TAF11: variants seen among roughly 807,000 people sequenced by gnomAD.
TAF11 encodes the protein TATA-box binding protein associated factor 11.
Under a neutral mutation model 23.0 loss-of-function variants are expected in TAF11, and 10 were observed. The observed-to-expected ratio is 0.43, with a 90% confidence interval of 0.27 to 0.74. The LOEUF (loss-of-function observed/expected upper bound fraction) is 0.74, where lower values mean the gene tolerates loss of function less well. TAF11 is among the 30% of genes least tolerant of loss of function. The pLI, the probability that TAF11 is intolerant of heterozygous loss-of-function variation, is 0.19. For missense variants in TAF11, 196 were observed against 261.7 expected (o/e 0.75, Z 1.73); for synonymous variants, 85 against 95.8 (o/e 0.89, Z 0.66).
At chr6:34,883,657 T>G (rs1766484188) in intron 1 of TAF11, among the ~76,000 whole-genome samples, 1 of 152,244 alleles carries the variant, frequency 6.6e-6, no homozygotes, top group Non-Finnish European at 1.5e-5. Context: ...TTTTTGAAGA[T>G]AGGTTTGTCT....
chr6:34,879,807 A>G (rs1766386598), intron 4 of TAF11, 160 bp downstream of exon 4: 8 of 985,358 alleles, frequency 8.1e-6, no homozygotes, highest in Non-Finnish European at 9.6e-6. Flanking sequence ...CTTGCAAGGA[A>G]TAACAGTCAT....
rs1320073663 is a variant in TAF11 at position 34,879,964 on chromosome 6, C to T, written c.505+3G>A. ...TCCAGTATTTGTAACCAACACTACT[C>T]ACCTTCTTCTACCACCTCCCCGACG... On this transcript the variant is annotated splice_donor_region_variant and intron_variant, in intron 4 of 4. Coordinates refer to ENST00000361288, the MANE Select transcript of TAF11 (RefSeq NM_005643.4). 2.5e-6 allele frequency: 4 copies of T among 1,613,220 alleles called. No individual in the cohort carries two copies. The Admixed American group carries it at 5.0e-5, about 20-fold the overall frequency.
At chr6:34,883,217 C>CTTG in intron 1 of TAF11, 137 bp from the exon 2 acceptor site, 2 of 804,524 alleles carry the variant, frequency 2.5e-6, no homozygotes, top group Non-Finnish European at 3.8e-6. Flanking sequence ...CTGACTGTAC[C>CTTG]ATCAAGGATA....
intron 1 of TAF11, among the ~76,000 whole-genome samples, chr6:34,884,900 C>T (rs1205094554): frequency 1.3e-5 from 2 of 152,182 alleles, no homozygotes; most frequent in Non-Finnish European, 2.9e-5. Flanking sequence ...TTGGCCTAAA[C>T]TTGAACATTA....
At chr6:34,882,829 C>A in intron 2 of TAF11, 103 bp downstream of exon 2, 2 of 1,360,906 alleles carry the variant, frequency 1.5e-6, no homozygotes, top group Non-Finnish European at 2.0e-6. Flanking sequence ...GTTTTATTTT[C>A]TTTTGAGTTT....
intron 2 of TAF11, among the ~76,000 whole-genome samples, chr6:34,882,517 G>A (rs1561823719): frequency 6.6e-6 from 1 of 151,740 alleles, no homozygotes; most frequent in Non-Finnish European, 1.5e-5. Flanking sequence ...GGCGGTGCAT[G>A]CCTGTAGTCC....
chr6:34,881,848 CACG>C (rs1196471615), intron 2 of TAF11, among the ~76,000 whole-genome samples: 22 of 151,776 alleles, frequency 1.4e-4, no homozygotes, highest in African/African-American at 4.3e-4. Flanking sequence ...AGGCACCCAC[CACG>C]ACACCTGGCT....
rs956748045 is a variant in TAF11 at position 34,880,781 on chromosome 6, A to G, written c.321-405T>C. ...TCTGCAAAATATGTGGAAACAGTTA[A>G]TACTCCTAATGTATAATTCTTTCAA... On this transcript the variant is annotated intron_variant, in intron 2 of 4. Transcript: ENST00000361288. This position sits in a 1 kb window ranked among gnomAD's most constrained non-coding sequence, Gnocchi z 4.8. Among the ~76,000 whole-genome samples, 2 of 152,232 alleles carry G rather than the reference A, an allele frequency of 1.3e-5. No individual in the cohort carries two copies. Among genetic ancestry groups the G allele is most frequent in the African/African-American group, 4.8e-5 (2 of 41,462 alleles).
chr6:34,887,954 C>G lies in TAF11; in HGVS notation c.4G>C (p.Asp2His), dbSNP rs141584217. The stretch of plus-strand genomic sequence containing the variant: ...TCGGAGGGCGACTCGTGGGCATCGT[C>G]CATCACGGATAGGATTGGAGGGGAG... Reference protein sequence around the residue: MDDAHESPSDKG... With the variant: MHDAHESPSDKG... The change falls in exon 1 of 5, where the codon GAC becomes CAC. Residue 2 changes from aspartate to histidine, a missense_variant. Asp to His is a moderately conservative substitution (Grantham distance 81). Transcript: ENST00000361288. 1.1e-4 allele frequency: 181 copies of G among 1,614,136 alleles called. 1 individual carries two copies. The African/African-American group carries it at 2.2e-3, about 19-fold the overall frequency.
chr6:34,879,962 C>CTCA lies in TAF11; in HGVS notation c.505+2_505+4dup. ...AATCCAGTATTTGTAACCAACACTA[C>CTCA]TCACCTTCTTCTACCACCTCCCCGA... On this transcript the variant is annotated splice_donor_region_variant and intron_variant, in intron 4 of 4. Coordinates refer to ENST00000361288, the MANE Select transcript of TAF11 (RefSeq NM_005643.4). The CTCA allele has an allele frequency of 1.2e-6, 2 of 1,613,044 alleles. No individual in the cohort carries two copies. The highest frequency in any genetic ancestry group is 1.7e-6 in the Non-Finnish European group (2 of 1,179,130).
Position 34,880,269 on chromosome 6 carries a change from G to C in TAF11, c.408+20C>G, listed in dbSNP as rs751420558. 3.1e-6 allele frequency: 5 copies of C among 1,612,442 alleles called. No homozygotes were observed. The highest frequency in any genetic ancestry group is 4.2e-6 in the Non-Finnish European group (5 of 1,178,792). On this transcript the variant is annotated intron_variant, in intron 3 of 4. Coordinates refer to ENST00000361288, the MANE Select transcript of TAF11 (RefSeq NM_005643.4). This position sits in a 1 kb window ranked among gnomAD's most constrained non-coding sequence, Gnocchi z 4.8. ...AGTTCTAAAACGTGATGGAGATGAA[G>C]TGTGGTGGTCCATCCTTACCCTTTT...
intron 4 of TAF11, 190 bp downstream of exon 4, chr6:34,879,777 C>G (rs2127431653): frequency 1.0e-6 from 1 of 985,356 alleles, no homozygotes; most frequent in East Asian, 1.1e-4. Context: ...CAGATGGTTC[C>G]TTACCATCTG....
At chr6:34,879,356 C>T (rs1242884891) in intron 4 of TAF11, 1 of 959,408 alleles carries the variant, frequency 1.0e-6, no homozygotes, top group Non-Finnish European at 1.2e-6. Context: ...GTTACCATCT[C>T]ATTTTGTATA....
Position 34,880,155 on chromosome 6 carries a change from A to G in TAF11, c.409-92T>C. ...GTAATTCACAGAAAAAGGTAAGATA[A>G]CTGAAGTGCATTTTTTTTCCCACCT... On this transcript the variant is annotated intron_variant, in intron 3 of 4. Transcript: ENST00000361288. The surrounding 1 kb of genome is among the most constrained non-coding windows in gnomAD (Gnocchi z 4.8). 1 of 1,526,894 alleles carries G rather than the reference A, an allele frequency of 6.5e-7. No individual in the cohort carries two copies. Among genetic ancestry groups the G allele is most frequent in the South Asian group, 1.1e-5 (1 of 87,708 alleles). 94.6% of individuals were successfully genotyped at this position (1,526,894 alleles called of 1,614,324 possible). A position where few individuals can be genotyped will look rare whatever the true frequency, so the allele number is the denominator to read the frequency against.
chr6:34,887,744 T>A (rs757753309), intron 1 of TAF11, 43 bp downstream of exon 1: 17 of 1,612,206 alleles, frequency 1.1e-5, no homozygotes, highest in Non-Finnish European at 1.4e-5. Flanking sequence ...AGTAACACAA[T>A]CTCTGGGTAT....
chr6:34,878,789 T>A, intron 4 of TAF11, 69 bp from the exon 5 acceptor site: 1 of 1,356,272 alleles, frequency 7.4e-7, no homozygotes. Context: ...TCCTTTTGAG[T>A]CCTGTAATTC....
rs150175475 is a variant in TAF11, at chr6:34,883,668, CTT to C, written c.172-590_172-589del. 1.9e-3 allele frequency among the ~76,000 whole-genome samples: 288 copies of C among 152,256 alleles called. 1 individual carries two copies. Among genetic ancestry groups the C allele is most frequent in the African/African-American group, 6.6e-3 (273 of 41,552 alleles). On this transcript the variant is annotated intron_variant, in intron 1 of 4. Coordinates refer to ENST00000361288, the MANE Select transcript of TAF11 (RefSeq NM_005643.4). Reference sequence around the variant, plus strand: ...AGTCTTTTTGAAGATAGGTTTGTCTCTTATTATTTATATCTCCCCCCCATCAG... The same window carrying C: ...AGTCTTTTTGAAGATAGGTTTGTCTCATTATTTATATCTCCCCCCCATCAG...
chr6:34,887,041 C>T (rs13219718), intron 1 of TAF11, among the ~76,000 whole-genome samples: 2 of 152,032 alleles, frequency 1.3e-5, no homozygotes, highest in Non-Finnish European at 2.9e-5. Flanking sequence ...CGGTGGCTCA[C>T]GCCTGTAATC....
chr6:34,887,987 C>A lies in TAF11; in HGVS notation c.-30G>T. 6.2e-7 allele frequency: 1 copy of A among 1,612,330 alleles called. No homozygotes were observed. The highest frequency in any genetic ancestry group is 8.5e-7 in the Non-Finnish European group (1 of 1,178,926). On this transcript the variant is annotated 5_prime_UTR_variant, in exon 1 of 5. Coordinates refer to ENST00000361288, the MANE Select transcript of TAF11 (RefSeq NM_005643.4). Reference sequence around the variant, plus strand: ...GATAGGATTGGAGGGGAGAGGAGATCGCGGAGATGCCTGAGGCAGAAGCTC... The same window carrying A: ...GATAGGATTGGAGGGGAGAGGAGATAGCGGAGATGCCTGAGGCAGAAGCTC...
Sources: gnomAD v4.1 joint callset for allele counts (sites outside exome capture counted in the v4.1 genomes callset) on GRCh38, gnomAD v4.1.1 for gene constraint, Gnocchi (gnomAD v3.1) non-coding constraint, MANE v1.5 for transcripts, NCBI Gene and HGNC (gene_info 2026-07-23, HGNC 2026-07-21) for gene names.